PGS1: variants seen among roughly 807,000 people sequenced by gnomAD.
The protein encoded by PGS1 is CDP-diacylglycerol--glycerol-3-phosphate 3-phosphatidyltransferase, mitochondrial.
In PGS1, 44 loss-of-function variants were observed where a neutral mutation model predicts 58.3. The ratio of observed to expected loss-of-function variants is 0.75; its 90% CI spans 0.59 to 0.97. The LOEUF (loss-of-function observed/expected upper bound fraction) is 0.97. Ranked by LOEUF, PGS1 falls within the 50% of genes least tolerant of loss-of-function variation. The pLI, the probability that PGS1 is intolerant of heterozygous loss-of-function variation, is 0.00. For missense variants in PGS1, 684 were observed against 731.1 expected, an observed-to-expected ratio of 0.94 and a Z score of 0.74; for synonymous variants, 330 against 311.0, an observed-to-expected ratio of 1.06 and a Z score of -0.64.
rs750594529 is a variant in PGS1 at position 78,396,357 on chromosome 17, T to C, written c.383T>C (p.Leu128Pro). Residue 128 changes from leucine (L) to proline (P), a missense_variant, in exon 3 of 10, where the codon CTG becomes CCG. Physicochemically the swap from Leu to Pro is moderately conservative, Grantham distance 98 (BLOSUM62 -3). Transcript: ENST00000262764. ...CGGGTCGTGATGGCATCCCTCTACCTGGGGACAGGTCCTTTGGAACAGGAG... is the reference window on the plus strand; with the variant it reads ...CGGGTCGTGATGGCATCCCTCTACCCGGGGACAGGTCCTTTGGAACAGGAG... Reference protein sequence around the residue: ...KRRVVMASLYLGTGPLEQELV... With the variant: ...KRRVVMASLYPGTGPLEQELV... The C allele has an allele frequency of 6.2e-7, 1 of 1,613,254 alleles. No homozygotes were observed. Among genetic ancestry groups the C allele is most frequent in the South Asian group, 1.1e-5 (1 of 90,984 alleles).
intron 9 of PGS1, among the ~76,000 whole-genome samples, chr17:78,423,105 GAAA>G (rs11449829): frequency 1.5e-5 from 2 of 137,504 alleles, no homozygotes; most frequent in Admixed American, 7.1e-5. Flanking sequence ...ACTCTCCCTC[GAAA>G]AAAAAAAAAA....
At chr17:78,416,273 T>C (rs939771966) in intron 8 of PGS1, among the ~76,000 whole-genome samples, 2 of 152,130 alleles carry the variant, frequency 1.3e-5, no homozygotes, top group African/African-American at 4.8e-5. Context: ...GAGATTCCAG[T>C]AATAGGGTGA....
At position 78,399,421 on chromosome 17, in the gene PGS1, T is replaced by G. The variant is rs2083482235; in HGVS notation, c.585T>G (p.Phe195Leu). Residue 195 changes from phenylalanine to leucine, a missense_variant, in exon 5 of 10, where the codon TTT becomes TTG. Physicochemically the swap from Phe to Leu is conservative, Grantham distance 22. Transcript: ENST00000262764. ...RFPEQVRVSL[F>L]HTPHLRGLLR... ...CAGAGCAGGTCCGAGTCTCCCTCTT[T>G]CACACGCCGCACCTCCGTGGGCTGC... 5 of 1,614,126 alleles carry G rather than the reference T, an allele frequency of 3.1e-6. No homozygotes were observed. Among genetic ancestry groups the G allele is most frequent in the Non-Finnish European group, 4.2e-6 (5 of 1,180,028 alleles).
At chr17:78,414,550 A>G (rs1008844263) in intron 7 of PGS1, among the ~76,000 whole-genome samples, 16 of 152,176 alleles carry the variant, frequency 1.1e-4, no homozygotes, top group African/African-American at 3.4e-4. Flanking sequence ...GGTGTATGAG[A>G]GCAGGTCGGC....
intron 7 of PGS1, 45 bp downstream of exon 7, chr17:78,404,134 C>T (rs1432504796): frequency 1.4e-6 from 2 of 1,468,266 alleles, no homozygotes; most frequent in East Asian, 5.0e-5. Flanking sequence ...GGGACAGCCA[C>T]AAACATGGGC....
chr17:78,420,416 G>C (rs1042112878), intron 9 of PGS1: 1 of 176,342 alleles, frequency 5.7e-6, no homozygotes. Flanking sequence ...TTGTGTCCTG[G>C]ATCCCTCAGG....
At chr17:78,422,265 C>A (rs1379201250) in intron 9 of PGS1, among the ~76,000 whole-genome samples, 1 of 152,024 alleles carries the variant, frequency 6.6e-6, no homozygotes, top group Non-Finnish European at 1.5e-5. Context: ...GAAACTGCTT[C>A]CCTTCTCTGC....
chr17:78,413,902 G>C (rs191602018), intron 7 of PGS1, among the ~76,000 whole-genome samples: 1 of 152,232 alleles, frequency 6.6e-6, no homozygotes, highest in Non-Finnish European at 1.5e-5. Context: ...AAATGGCCTC[G>C]TAGTGTGGCC....
At chr17:78,402,323 G>C (rs4969186) in intron 6 of PGS1, among the ~76,000 whole-genome samples, 93,472 of 151,828 alleles carry the variant, frequency 0.62, 28,829 homozygotes, top group Admixed American at 0.65. Flanking sequence ...TTTATCAATC[G>C]TTTATCAGAC....
intron 1 of PGS1, among the ~76,000 whole-genome samples, chr17:78,381,997 T>C (rs1295161840): frequency 6.6e-6 from 1 of 152,016 alleles, no homozygotes; most frequent in Non-Finnish European, 1.5e-5. Flanking sequence ...CCATAAACAA[T>C]TACAAGAAGT....
chr17:78,382,963 C>G (rs888000795), intron 1 of PGS1, among the ~76,000 whole-genome samples: 2 of 152,008 alleles, frequency 1.3e-5, no homozygotes, highest in Non-Finnish European at 2.9e-5. Flanking sequence ...GGCCTTGTTA[C>G]TTGGAGTAGA....
chr17:78,386,758 G>A (rs1265450065), intron 1 of PGS1, among the ~76,000 whole-genome samples: 3 of 152,164 alleles, frequency 2.0e-5, no homozygotes, highest in Non-Finnish European at 4.4e-5. Context: ...AGTGGGGGCT[G>A]CTTTAGCATG....
chr17:78,420,068 TGGGAGGA>T (rs952244309), intron 9 of PGS1: 6 of 1,060,280 alleles, frequency 5.7e-6, no homozygotes, highest in Non-Finnish European at 6.9e-6. Flanking sequence ...GATGTAGACG[TGGGAGGA>T]GGGGAGCACG....
intron 3 of PGS1, among the ~76,000 whole-genome samples, chr17:78,397,589 A>ACCCC (rs34040603): frequency 0.032 from 4,084 of 129,642 alleles, 166 homozygotes; most frequent in African/African-American, 0.096. Context: ...GGCATGCGCC[A>ACCCC]CCCCCCCAGC....
intron 7 of PGS1, among the ~76,000 whole-genome samples, chr17:78,408,057 A>T (rs1159398765): frequency 6.6e-6 from 1 of 152,196 alleles, no homozygotes; most frequent in East Asian, 1.9e-4. Context: ...CAACAGCCTG[A>T]TACACCTCTT....
rs573419117 is a variant in PGS1, at chr17:78,394,585, C to T, written c.334-1723C>T. Among the ~76,000 whole-genome samples the T allele has an allele frequency of 1.0e-3, 158 of 151,636 alleles. No individual in the cohort carries two copies. In the Middle Eastern group the frequency reaches 0.027, roughly 26 times the overall value. ...TTCTTTTTTTTTTAAGACGGAGTTT[C>T]GCTCTCGTTGCCCAGGCTGGAGTGC... is the stretch of plus-strand genomic sequence containing the variant. On this transcript the variant is annotated intron_variant, in intron 2 of 9. Coordinates refer to ENST00000262764, the MANE Select transcript of PGS1 (RefSeq NM_024419.5).
At chr17:78,393,352 G>A (rs1190682561) in intron 2 of PGS1, among the ~76,000 whole-genome samples, 2 of 152,150 alleles carry the variant, frequency 1.3e-5, no homozygotes, top group Non-Finnish European at 2.9e-5. Flanking sequence ...GAGCCACCGC[G>A]CCCGGCCTAG....
intron 9 of PGS1, 97 bp from the exon 10 acceptor site, chr17:78,423,964 G>A (rs2086243130): frequency 6.2e-7 from 1 of 1,613,914 alleles, no homozygotes; most frequent in South Asian, 1.1e-5. Flanking sequence ...CTTCTCTTTG[G>A]TCTTCAAGTT....
At chr17:78,414,324 G>A (rs917249012) in intron 7 of PGS1, among the ~76,000 whole-genome samples, 1 of 152,234 alleles carries the variant, frequency 6.6e-6, no homozygotes, top group African/African-American at 2.4e-5. Context: ...CTTGGGTCGC[G>A]TGGTTGTCCT....
Sources: gnomAD v4.1 joint callset for allele counts (sites outside exome capture counted in the v4.1 genomes callset) on GRCh38, gnomAD v4.1.1 for gene constraint, MANE v1.5 for transcripts, NCBI Gene and HGNC (gene_info 2026-07-23, HGNC 2026-07-21) for gene names.